RNLS: variants seen among roughly 807,000 people sequenced by gnomAD.
RNLS encodes renalase.
In RNLS, 39 loss-of-function variants were observed where a neutral mutation model predicts 39.8. That is an observed-to-expected ratio of 0.98 (90% CI 0.76 to 1.28). RNLS has a LOEUF of 1.28. RNLS is among the 50% of genes most tolerant of loss of function. The probability of loss-of-function intolerance (pLI) is 0.00; values close to 1 mark genes in which losing one functional copy is unlikely to be tolerated. For synonymous variants in RNLS, 147 were observed against 150.7 expected, an observed-to-expected ratio of 0.98 and a Z score of 0.18; for missense variants, 410 against 413.3, an observed-to-expected ratio of 0.99 and a Z score of 0.07.
intron 4 of RNLS, among the ~76,000 whole-genome samples, chr10:88,395,900 A>T (rs1176338916): frequency 3.3e-5 from 5 of 152,130 alleles, no homozygotes; most frequent in Non-Finnish European, 7.4e-5. Flanking sequence ...CTGATTTCTC[A>T]TCAGAAACTA....
At chr10:88,229,396 C>T in the RNLS span, among the ~76,000 whole-genome samples, 1 of 152,142 alleles carries the variant, frequency 6.6e-6, no homozygotes, top group African/African-American at 2.4e-5. Flanking sequence ...ATTCAGCCTC[C>T]AGAGGAAAAG....
chr10:88,216,312 G>T, the RNLS span, among the ~76,000 whole-genome samples: 1 of 152,196 alleles, frequency 6.6e-6, no homozygotes, highest in Non-Finnish European at 1.5e-5. Context: ...TAATGTAATT[G>T]AAAAGTTCAG....
the RNLS span, among the ~76,000 whole-genome samples, chr10:88,185,373 C>T: frequency 6.6e-6 from 1 of 152,142 alleles, no homozygotes; most frequent in Non-Finnish European, 1.5e-5. Flanking sequence ...GCTTTGGTCT[C>T]ATTAAAAATG....
At chr10:88,554,778 A>T (rs1848770547) in intron 4 of RNLS, among the ~76,000 whole-genome samples, 1 of 152,108 alleles carries the variant, frequency 6.6e-6, no homozygotes, top group Non-Finnish European at 1.5e-5. Flanking sequence ...TAACTGTTCA[A>T]TCTTGCTCCT....
intron 4 of RNLS, among the ~76,000 whole-genome samples, chr10:88,468,722 G>C (rs1241173596): frequency 2.0e-5 from 3 of 152,142 alleles, no homozygotes. Context: ...GCTATGGGCT[G>C]CTGCAAGGCC....
chr10:88,446,223 A>G (rs1227820155), intron 4 of RNLS, among the ~76,000 whole-genome samples: 1 of 152,270 alleles, frequency 6.6e-6, no homozygotes, highest in Non-Finnish European at 1.5e-5. Context: ...TACTGGCTAC[A>G]TAACAAAATG....
chr10:88,500,899 C>T (rs1015183235), intron 4 of RNLS, among the ~76,000 whole-genome samples: 2 of 151,840 alleles, frequency 1.3e-5, no homozygotes, highest in African/African-American at 4.8e-5. Context: ...ATTTGCTTTC[C>T]CTTATCCTAA....
the RNLS span, among the ~76,000 whole-genome samples, chr10:88,206,251 G>A: frequency 6.6e-6 from 1 of 152,314 alleles, no homozygotes; most frequent in African/African-American, 2.4e-5. Context: ...GTGTCTGATT[G>A]CACTTTTAAA....
At chr10:88,488,546 C>CAAAAA (rs3033822) in intron 4 of RNLS, among the ~76,000 whole-genome samples, 7 of 78,986 alleles carry the variant, frequency 8.9e-5, no homozygotes, top group Non-Finnish European at 1.2e-4. Flanking sequence ...AACTCCGTCT[C>CAAAAA]AAAAAAAAAA....
intron 5 of RNLS, among the ~76,000 whole-genome samples, chr10:88,336,202 C>T (rs1589584559): frequency 6.6e-6 from 1 of 152,182 alleles, no homozygotes; most frequent in African/African-American, 2.4e-5. Flanking sequence ...GAAATACTAG[C>T]TTTTAAAAAA....
chr10:88,451,088 G>A (rs1842333642), intron 4 of RNLS, among the ~76,000 whole-genome samples: 2 of 152,158 alleles, frequency 1.3e-5, no homozygotes, highest in Non-Finnish European at 2.9e-5. Flanking sequence ...AGATGCAAGT[G>A]TCAGATTACG....
chr10:88,234,997 C>T, the RNLS span, among the ~76,000 whole-genome samples: 1 of 151,816 alleles, frequency 6.6e-6, no homozygotes. Flanking sequence ...CGCGGTGGCT[C>T]AAGCCTGTAA....
At chr10:88,355,273 G>GGT (rs1403350930) in intron 5 of RNLS, among the ~76,000 whole-genome samples, 1 of 152,192 alleles carries the variant, frequency 6.6e-6, no homozygotes, top group Non-Finnish European at 1.5e-5. Context: ...GCATTCCTTT[G>GGT]GAGGAGGAGA....
At chr10:88,559,847 A>G (rs1294919626) in intron 4 of RNLS, among the ~76,000 whole-genome samples, 1 of 152,116 alleles carries the variant, frequency 6.6e-6, no homozygotes, top group African/African-American at 2.4e-5. Flanking sequence ...TAAAGTTGTG[A>G]TAAGTGTTAA....
At chr10:88,366,882 A>G (rs1370137906) in intron 4 of RNLS, among the ~76,000 whole-genome samples, 1 of 151,534 alleles carries the variant, frequency 6.6e-6, no homozygotes, top group African/African-American at 2.4e-5. Context: ...ACTCACGGCC[A>G]GTGGAGCTCT....
intron 4 of RNLS, among the ~76,000 whole-genome samples, chr10:88,410,401 T>A (rs2133695966): frequency 6.6e-6 from 1 of 152,222 alleles, no homozygotes; most frequent in Middle Eastern, 3.4e-3. Context: ...CATACCAGTA[T>A]AAAAGCCCCA....
the RNLS span, among the ~76,000 whole-genome samples, chr10:88,186,374 C>T: frequency 9.0e-3 from 1,373 of 152,268 alleles, 22 homozygotes; most frequent in African/African-American, 0.03. Context: ...ATCATATAGA[C>T]GAACAGCCAA....
chr10:88,398,278 C>A (rs184009515), intron 4 of RNLS, among the ~76,000 whole-genome samples: 11 of 152,134 alleles, frequency 7.2e-5, no homozygotes, highest in African/African-American at 2.6e-4. Context: ...ATAAGTGAGT[C>A]AGGGTAAGCA....
intron 4 of RNLS, among the ~76,000 whole-genome samples, chr10:88,475,382 C>A (rs1843755247): frequency 6.6e-6 from 1 of 152,180 alleles, no homozygotes; most frequent in Non-Finnish European, 1.5e-5. Context: ...GCAATCTTCT[C>A]CCTAAAAATT....
Sources: allele counts gnomAD v4.1 joint callset (sites outside exome capture counted in the v4.1 genomes callset), GRCh38; gene constraint gnomAD v4.1.1; transcripts MANE v1.5; gene names NCBI Gene and HGNC (gene_info 2026-07-23, HGNC 2026-07-21).